TAS2R1: variants seen among roughly 807,000 people sequenced by gnomAD.
TAS2R1 encodes taste 2 receptor member 1, also known as taste receptor type 2 member 1.
For synonymous variants in TAS2R1, 141 were observed against 134.2 expected, an observed-to-expected ratio of 1.05 and a Z score of -0.35; for missense variants, 370 against 353.4, an observed-to-expected ratio of 1.05 and a Z score of -0.38.
At chr5:9,806,074 T>G in the TAS2R1 span, among the ~76,000 whole-genome samples, 1 of 151,950 alleles carries the variant, frequency 6.6e-6, no homozygotes, top group Non-Finnish European at 1.5e-5. Flanking sequence ...TTAACGCACA[T>G]AAATCAGTAG....
At chr5:9,712,077 A>C (rs966606002) in intron 1 of TAS2R1, 12 of 150,250 alleles carry the variant, frequency 8.0e-5, no homozygotes, top group African/African-American at 2.7e-4. Flanking sequence ...AAGTGGGGTA[A>C]CATCTTTCTT....
chr5:9,865,171 G>A, the TAS2R1 span, among the ~76,000 whole-genome samples: 1 of 152,164 alleles, frequency 6.6e-6, no homozygotes, highest in Admixed American at 6.5e-5. Flanking sequence ...CAGTGGGTGT[G>A]GCTGCAGTCT....
chr5:9,877,041 A>G, the TAS2R1 span, among the ~76,000 whole-genome samples: 1 of 152,268 alleles, frequency 6.6e-6, no homozygotes, highest in African/African-American at 2.4e-5. Flanking sequence ...TTTCCTCCCC[A>G]CTTTCTTCAT....
chr5:9,817,796 G>A, the TAS2R1 span, among the ~76,000 whole-genome samples: 1 of 151,890 alleles, frequency 6.6e-6, no homozygotes, highest in Non-Finnish European at 1.5e-5. Context: ...TGCTGGGGAG[G>A]CTTCAGGAAA....
the TAS2R1 span, among the ~76,000 whole-genome samples, chr5:9,788,287 T>C: frequency 1.0e-3 from 156 of 152,348 alleles, 5 homozygotes; most frequent in East Asian, 0.027. Context: ...CACCAGTTGA[T>C]ATTCTGAACT....
chr5:9,798,698 A>G, the TAS2R1 span, among the ~76,000 whole-genome samples: 1 of 152,164 alleles, frequency 6.6e-6, no homozygotes, highest in South Asian at 2.1e-4. Context: ...TTAACTCATG[A>G]GCCTGGGTCA....
the TAS2R1 span, among the ~76,000 whole-genome samples, chr5:9,757,114 A>C: frequency 6.6e-6 from 1 of 152,192 alleles, no homozygotes; most frequent in Non-Finnish European, 1.5e-5. Context: ...AAACCAAGGA[A>C]ATAAACCCAT....
intron 1 of TAS2R1, among the ~76,000 whole-genome samples, chr5:9,671,106 A>G (rs577028651): frequency 6.6e-6 from 1 of 152,198 alleles, no homozygotes; most frequent in African/African-American, 2.4e-5. Context: ...TCATGTTAAA[A>G]TCTCTCAACA....
chr5:9,685,857 C>A (rs995834158), intron 1 of TAS2R1, among the ~76,000 whole-genome samples: 1 of 151,978 alleles, frequency 6.6e-6, no homozygotes, highest in Admixed American at 6.6e-5. Flanking sequence ...TTGATTGTAT[C>A]TTTTCGTTTG....
At chr5:9,703,897 A>C (rs1243032725) in intron 1 of TAS2R1, among the ~76,000 whole-genome samples, 1 of 152,222 alleles carries the variant, frequency 6.6e-6, no homozygotes, top group African/African-American at 2.4e-5. Flanking sequence ...CTCATAGAAC[A>C]CCTAATATCC....
the TAS2R1 span, among the ~76,000 whole-genome samples, chr5:9,718,021 T>A: frequency 5.3e-5 from 8 of 152,166 alleles, no homozygotes; most frequent in Non-Finnish European, 7.4e-5. Context: ...GTGCAGTGGC[T>A]TGATCTCGGC....
the TAS2R1 span, among the ~76,000 whole-genome samples, chr5:9,737,520 A>C: frequency 6.6e-6 from 1 of 151,878 alleles, no homozygotes; most frequent in Non-Finnish European, 1.5e-5. Flanking sequence ...GTCACCACCG[A>C]CTCTCTGTCT....
intron 2 of TAS2R1, among the ~76,000 whole-genome samples, chr5:9,635,773 C>T (rs902598099): frequency 1.3e-5 from 2 of 151,880 alleles, no homozygotes; most frequent in Admixed American, 6.6e-5. Flanking sequence ...TCTATGGTAT[C>T]GGTTGTAATA....
chr5:9,747,448 T>C, the TAS2R1 span, among the ~76,000 whole-genome samples: 4 of 152,114 alleles, frequency 2.6e-5, no homozygotes, highest in East Asian at 5.8e-4. Context: ...CAAGGCAGAA[T>C]GGGAGGGGGA....
chr5:9,720,744 G>C, the TAS2R1 span, among the ~76,000 whole-genome samples: 1 of 152,230 alleles, frequency 6.6e-6, no homozygotes, highest in South Asian at 2.1e-4. Flanking sequence ...GGACAGATGA[G>C]AGGGAAGGAG....
chr5:9,670,887 C>T (rs1481059120), intron 1 of TAS2R1, among the ~76,000 whole-genome samples: 2 of 152,086 alleles, frequency 1.3e-5, no homozygotes, highest in Non-Finnish European at 2.9e-5. Flanking sequence ...GTGCAAAACT[C>T]CTCAACAAAA....
chr5:9,633,514 T>C (rs1232200145), upstream of TAS2R1, among the ~76,000 whole-genome samples: 1 of 151,658 alleles, frequency 6.6e-6, no homozygotes, highest in East Asian at 1.9e-4. Flanking sequence ...GTTCTTTAAA[T>C]AAACTCCATA....
chr5:9,873,218 C>T, the TAS2R1 span, among the ~76,000 whole-genome samples: 53 of 152,286 alleles, frequency 3.5e-4, 2 homozygotes, highest in South Asian at 9.5e-3. Context: ...TGTCCACTGA[C>T]GTCCTCCCCT....
At chr5:9,762,557 C>T in the TAS2R1 span, among the ~76,000 whole-genome samples, 1 of 152,276 alleles carries the variant, frequency 6.6e-6, no homozygotes, top group South Asian at 2.1e-4. Flanking sequence ...ACAATATAGA[C>T]CCGGTAAATT....
Sources: gnomAD v4.1 joint callset for allele counts (sites outside exome capture counted in the v4.1 genomes callset) on GRCh38, gnomAD v4.1.1 for gene constraint, MANE v1.5 for transcripts, NCBI Gene and HGNC (gene_info 2026-07-23, HGNC 2026-07-21) for gene names.